Variants in CDKAL1 observed in about 807,000 individuals in gnomAD.
CDKAL1 encodes CDKAL1 threonylcarbamoyladenosine tRNA methylthiotransferase.
In CDKAL1, 32 loss-of-function variants were observed where a neutral mutation model predicts 68.2. The ratio of observed to expected loss-of-function variants is 0.47; its 90% confidence interval spans 0.35 to 0.63. The LOEUF is 0.63. CDKAL1 is among the 30% of genes least tolerant of loss of function. The pLI, the probability that CDKAL1 is intolerant of heterozygous loss-of-function variation, is 0.00. For missense variants in CDKAL1, 606 were observed against 696.7 expected (o/e 0.87, Z 1.47); for synonymous variants, 234 against 244.3 (o/e 0.96, Z 0.39).
intron 15 of CDKAL1, among the ~76,000 whole-genome samples, chr6:21,228,995 C>G (rs570670470): frequency 2.0e-5 from 3 of 152,232 alleles, no homozygotes; most frequent in Non-Finnish European, 2.9e-5. Context: ...TGGTCCCATT[C>G]TGTCCAGCTG....
At chr6:20,712,031 G>A (rs1190576771) in intron 5 of CDKAL1, among the ~76,000 whole-genome samples, 1 of 152,132 alleles carries the variant, frequency 6.6e-6, no homozygotes, top group Admixed American at 6.5e-5. Flanking sequence ...TGGGGGTGGG[G>A]AGGCTCTTTC....
intron 12 of CDKAL1, among the ~76,000 whole-genome samples, chr6:21,093,208 CAA>C (rs1773136211): frequency 6.6e-6 from 1 of 152,172 alleles, no homozygotes. Flanking sequence ...GACCAGGACT[CAA>C]ATTTCAAACT....
chr6:21,000,235 A>G lies in CDKAL1; in HGVS notation c.918A>G (p.Ala306=), dbSNP rs1332103059. 6.8e-6 allele frequency: 11 copies of G among 1,608,706 alleles called. No individual in the cohort carries two copies. The highest frequency in any genetic ancestry group is 7.6e-6 in the Non-Finnish European group (9 of 1,177,688). Reference sequence around the variant, plus strand: ...CCTTCCATTTTTTTAAGGAAATGGCAAAAATCCTTAATCACCCCAGAGTCT... The same window carrying G: ...CCTTCCATTTTTTTAAGGAAATGGCGAAAATCCTTAATCACCCCAGAGTCT... ...PYILEHLEEM[A]KILNHPRVYA... is the part of the protein sequence containing the mutation. Residue 306 remains alanine, a synonymous_variant, in exon 11 of 16, where the codon GCA becomes GCG. Coordinates refer to ENST00000274695, the MANE Select transcript of CDKAL1 (RefSeq NM_017774.3).
At chr6:21,204,500 G>T (rs1778821214) in intron 15 of CDKAL1, among the ~76,000 whole-genome samples, 1 of 152,042 alleles carries the variant, frequency 6.6e-6, no homozygotes, top group Non-Finnish European at 1.5e-5. Context: ...ACCCATAATT[G>T]TTATTGGCTA....
intron 5 of CDKAL1, among the ~76,000 whole-genome samples, chr6:20,673,927 T>C (rs1769968867): frequency 6.6e-6 from 1 of 152,224 alleles, no homozygotes; most frequent in African/African-American, 2.4e-5. Context: ...ACACGATGGA[T>C]ACAGATACCT....
intron 4 of CDKAL1, among the ~76,000 whole-genome samples, chr6:20,621,155 G>A (rs1767174549): frequency 6.6e-6 from 1 of 151,960 alleles, no homozygotes; most frequent in South Asian, 2.1e-4. Flanking sequence ...TTTTGGTGGT[G>A]GTTTTTCAAA....
intron 13 of CDKAL1, among the ~76,000 whole-genome samples, chr6:21,189,394 CCACTT>C (rs1562102581): frequency 6.6e-6 from 1 of 152,216 alleles, no homozygotes; most frequent in Non-Finnish European, 1.5e-5. Flanking sequence ...TATGGCTACT[CCACTT>C]CAAAGGAACA....
chr6:20,546,336 T>C lies in CDKAL1; in HGVS notation c.-5-10T>C, dbSNP rs1478414083. 1.1e-5 allele frequency: 18 copies of C among 1,579,214 alleles called. No individual in the cohort carries two copies. Among genetic ancestry groups the C allele is most frequent in the Non-Finnish European group, 1.4e-5 (16 of 1,159,454 alleles). ...ATAAGTTGATTTTATTTATAACTTT[T>C]ATGTGGTAGAGAATATGCCTTCTGC... On this transcript the variant is annotated splice_polypyrimidine_tract_variant and intron_variant, in intron 2 of 15. Transcript: ENST00000274695.
At chr6:20,833,679 C>T (rs1392864794) in intron 8 of CDKAL1, among the ~76,000 whole-genome samples, 1 of 152,092 alleles carries the variant, frequency 6.6e-6, no homozygotes, top group Non-Finnish European at 1.5e-5. Context: ...CTTTCATAAT[C>T]CAGGAATGGT....
chr6:20,868,063 CAAA>C, intron 9 of CDKAL1, among the ~76,000 whole-genome samples: 1 of 8,416 alleles, frequency 1.2e-4, no homozygotes, highest in African/African-American at 1.7e-4. Flanking sequence ...GTATAATAAA[CAAA>C]TCTTATATTG....
intron 9 of CDKAL1, among the ~76,000 whole-genome samples, chr6:20,891,619 C>G (rs1176606772): frequency 6.6e-6 from 1 of 151,624 alleles, no homozygotes; most frequent in African/African-American, 2.4e-5. Flanking sequence ...GCTGCAACCT[C>G]CGCCTCCCGG....
At chr6:20,686,530 C>T (rs1021352675) in intron 5 of CDKAL1, among the ~76,000 whole-genome samples, 1 of 152,120 alleles carries the variant, frequency 6.6e-6, no homozygotes, top group Non-Finnish European at 1.5e-5. Context: ...GCTCAGGGCT[C>T]GCACTGATTT....
rs145894251 is a variant in CDKAL1, at chr6:21,191,992, CTTTTTTTTTTTTTTTTTTTTTTTTTT to C, written c.1300-6014_1300-5989del. Among the ~76,000 whole-genome samples, 68 of 34,534 alleles carry C rather than the reference CTTTTTTTTTTTTTTTTTTTTTTTTTT, an allele frequency of 2.0e-3. 1 individual carries two copies. Among genetic ancestry groups the C allele is most frequent in the Non-Finnish European group, 2.6e-3 (48 of 18,292 alleles). 22.7% of individuals were successfully genotyped at this position (34,534 alleles called of 152,430 possible). A position where few individuals can be genotyped will look rare whatever the true frequency, so the allele number is the denominator to read the frequency against. ...AGGAATATTTTTATAATTCATTTTT[CTTTTTTTTTTTTTTTTTTTTTTTTTT>C]TTTTTTTTTTTTTTGAGACGGAGTC... On this transcript the variant is annotated intron_variant, in intron 13 of 15. Transcript: ENST00000274695.
At chr6:20,898,516 G>A (rs948067613) in intron 9 of CDKAL1, among the ~76,000 whole-genome samples, 3 of 150,854 alleles carry the variant, frequency 2.0e-5, no homozygotes, top group Admixed American at 6.7e-5. Context: ...GAATGAGCTC[G>A]TTTTTATAAG....
intron 3 of CDKAL1, 86 bp downstream of exon 3, chr6:20,546,609 A>G (rs1763616266): frequency 1.8e-6 from 2 of 1,124,702 alleles, no homozygotes; most frequent in East Asian, 5.2e-5. Context: ...GCTGGAGTGC[A>G]GTGGTGTGAT....
chr6:21,136,797 A>T (rs1056551390), intron 13 of CDKAL1, among the ~76,000 whole-genome samples: 1 of 152,226 alleles, frequency 6.6e-6, no homozygotes, highest in African/African-American at 2.4e-5. Context: ...TAACCAAGAA[A>T]ACCAAGAATA....
At chr6:20,996,227 T>C (rs1447523273) in intron 10 of CDKAL1, among the ~76,000 whole-genome samples, 2 of 152,226 alleles carry the variant, frequency 1.3e-5, no homozygotes, top group African/African-American at 4.8e-5. Context: ...ATATCAGCAA[T>C]AAGGCTGTTT....
intron 8 of CDKAL1, among the ~76,000 whole-genome samples, chr6:20,843,462 T>G (rs1053914607): frequency 1.3e-5 from 2 of 152,078 alleles, no homozygotes; most frequent in African/African-American, 4.8e-5. Flanking sequence ...TTGAATTTTT[T>G]TTTTCTTCAG....
intron 5 of CDKAL1, among the ~76,000 whole-genome samples, chr6:20,705,720 G>A (rs1771563541): frequency 6.6e-6 from 1 of 152,124 alleles, no homozygotes; most frequent in South Asian, 2.1e-4. Flanking sequence ...TCAGGAAGCT[G>A]TATACATTTC....
Sources: allele counts gnomAD v4.1 joint callset (sites outside exome capture counted in the v4.1 genomes callset), GRCh38; gene constraint gnomAD v4.1.1; transcripts MANE v1.5; gene names NCBI Gene and HGNC (gene_info 2026-07-23, HGNC 2026-07-21).